DAD1: variants seen among roughly 807,000 people sequenced by gnomAD.
DAD1 encodes defender against cell death 1.
DAD1 carries 4 observed loss-of-function variants against 9.0 expected under a neutral mutation model. That is an observed-to-expected ratio of 0.44 (90% CI 0.22 to 1.01). The LOEUF (loss-of-function observed/expected upper bound fraction) is 1.01, where lower values mean the gene tolerates loss of function less well. DAD1 is among the 50% of genes least tolerant of loss of function. DAD1 has a pLI of 0.24. For missense variants in DAD1, 119 were observed against 137.3 expected, an observed-to-expected ratio of 0.87 and a Z score of 0.67; for synonymous variants, 60 against 62.5, an observed-to-expected ratio of 0.96 and a Z score of 0.19.
chr14:22,582,489 A>C (rs1293153717), intron 1 of DAD1, among the ~76,000 whole-genome samples: 2 of 151,994 alleles, frequency 1.3e-5, no homozygotes, highest in Non-Finnish European at 2.9e-5. Context: ...GCGCCACTGC[A>C]CTCCAGCCTG....
chr14:22,586,402 G>A (rs5742748), intron 1 of DAD1, among the ~76,000 whole-genome samples: 19,807 of 151,974 alleles, frequency 0.13, 1,361 homozygotes, highest in Middle Eastern at 0.18. Context: ...AAAATTCGCC[G>A]GGCGTGGTGG....
chr14:22,581,743 CAAAAAAA>C (rs59052046), intron 1 of DAD1, among the ~76,000 whole-genome samples: 22 of 36,732 alleles, frequency 6.0e-4, no homozygotes, highest in Non-Finnish European at 8.5e-4. Context: ...AACTCCATCT[CAAAAAAA>C]AAAAAAAAAA....
chr14:22,576,486 C>A (rs930597107), intron 1 of DAD1, among the ~76,000 whole-genome samples: 1 of 151,864 alleles, frequency 6.6e-6, no homozygotes, highest in Non-Finnish European at 1.5e-5. Context: ...GACCTAAATC[C>A]GAAATGGATA....
intron 1 of DAD1, among the ~76,000 whole-genome samples, chr14:22,576,469 G>C (rs1189596479): frequency 6.6e-6 from 1 of 152,002 alleles, no homozygotes; most frequent in Non-Finnish European, 1.5e-5. Flanking sequence ...ACTCGAAACG[G>C]ATCAAAGACC....
intron 2 of DAD1, among the ~76,000 whole-genome samples, chr14:22,574,362 T>C (rs1331988641): frequency 6.6e-6 from 1 of 152,128 alleles, no homozygotes; most frequent in Non-Finnish European, 1.5e-5. Flanking sequence ...GGGCGTACCA[T>C]ATGTGATGAA....
intron 1 of DAD1, among the ~76,000 whole-genome samples, chr14:22,576,827 T>C (rs1566372297): frequency 6.6e-6 from 1 of 152,132 alleles, no homozygotes; most frequent in Non-Finnish European, 1.5e-5. Context: ...GAATAGACAT[T>C]TCCCCAAAGA....
chr14:22,566,376 C>A (rs1278055120), intron 2 of DAD1, among the ~76,000 whole-genome samples: 1 of 151,112 alleles, frequency 6.6e-6, no homozygotes, highest in Admixed American at 6.6e-5. Context: ...TGCTTGTTGT[C>A]CAGGCTGGAG....
chr14:22,577,071 T>TG (rs1168451883), intron 1 of DAD1, among the ~76,000 whole-genome samples: 1 of 152,082 alleles, frequency 6.6e-6, no homozygotes, highest in African/African-American at 2.4e-5. Flanking sequence ...CTCAAAAAAA[T>TG]TAAAAACAGA....
chr14:22,584,840 G>A (rs2037141767), intron 1 of DAD1, among the ~76,000 whole-genome samples: 1 of 152,256 alleles, frequency 6.6e-6, no homozygotes, highest in Admixed American at 6.5e-5. Flanking sequence ...AATCAGATTT[G>A]CAAGTCAAAT....
chr14:22,575,362 G>C (rs779342987), intron 1 of DAD1, 129 bp from the exon 2 acceptor site: 32 of 996,404 alleles, frequency 3.2e-5, no homozygotes, highest in Non-Finnish European at 4.2e-5. Flanking sequence ...ATACATCAAA[G>C]GGCATACACA....
chr14:22,583,876 A>G lies in DAD1; in HGVS notation c.211+5071T>C, dbSNP rs546445060. ...TGAAAAGATGAAGGAATTCTTATCT[A>G]CTTCTTTTTTTTAGTGAAAAAATAA... On this transcript the variant is annotated intron_variant, in intron 1 of 2. Coordinates refer to ENST00000250498, the MANE Select transcript of DAD1 (RefSeq NM_001344.4). Among the ~76,000 whole-genome samples the G allele has an allele frequency of 2.0e-5, 3 of 152,218 alleles. No individual in the cohort carries two copies. The South Asian group carries it at 6.2e-4, about 32-fold the overall frequency.
At chr14:22,565,236 T>C in intron 2 of DAD1, 99 bp from the exon 3 acceptor site, 1 of 652,424 alleles carries the variant, frequency 1.5e-6, no homozygotes. Flanking sequence ...AGTTATGGGG[T>C]TCCCACACTC....
chr14:22,567,207 G>T (rs2139234601), intron 2 of DAD1: 1 of 152,354 alleles, frequency 6.6e-6, no homozygotes, highest in South Asian at 2.1e-4. Flanking sequence ...TGTTAAAAAT[G>T]ACGCTGTAGA....
intron 1 of DAD1, among the ~76,000 whole-genome samples, chr14:22,580,549 A>G (rs185177061): frequency 1.3e-5 from 2 of 152,252 alleles, no homozygotes; most frequent in Non-Finnish European, 2.9e-5. Context: ...TGGAGTAAAG[A>G]ACACGGTGTT....
intron 1 of DAD1, among the ~76,000 whole-genome samples, chr14:22,578,552 G>A (rs1411237502): frequency 1.3e-5 from 2 of 152,210 alleles, no homozygotes; most frequent in African/African-American, 4.8e-5. Flanking sequence ...GGGCAAGAGA[G>A]ACTCCGTCTC....
intron 1 of DAD1, among the ~76,000 whole-genome samples, chr14:22,580,956 T>C (rs967582678): frequency 6.6e-6 from 1 of 152,182 alleles, no homozygotes; most frequent in Non-Finnish European, 1.5e-5. Context: ...AAAAGCCTGT[T>C]CAAAATGCTC....
At chr14:22,571,562 A>C (rs951108957) in intron 2 of DAD1, among the ~76,000 whole-genome samples, 6 of 150,996 alleles carry the variant, frequency 4.0e-5, no homozygotes, top group African/African-American at 1.5e-4. Context: ...AAAATAAAAA[A>C]TATTGAGTCT....
At chr14:22,571,808 T>C (rs1401887431) in intron 2 of DAD1, among the ~76,000 whole-genome samples, 24 of 152,084 alleles carry the variant, frequency 1.6e-4, no homozygotes, top group Non-Finnish European at 8.8e-5. Flanking sequence ...TTTTGTCTTT[T>C]TAGTAGAGAC....
chr14:22,584,304 G>C (rs753234311), intron 1 of DAD1, among the ~76,000 whole-genome samples: 7 of 152,102 alleles, frequency 4.6e-5, no homozygotes, highest in Non-Finnish European at 8.8e-5. Flanking sequence ...ACCTTCCAGA[G>C]AGAAGGCAGA....
Sources: gnomAD v4.1 joint callset for allele counts (sites outside exome capture counted in the v4.1 genomes callset) on GRCh38, gnomAD v4.1.1 for gene constraint, MANE v1.5 for transcripts, NCBI Gene and HGNC (gene_info 2026-07-23, HGNC 2026-07-21) for gene names.